Variants in KIF13A observed in about 807,000 individuals in gnomAD.
KIF13A encodes the protein kinesin family member 13A, also known as kinesin-like protein KIF13A.
KIF13A carries 79 observed loss-of-function variants against 212.2 expected under a neutral mutation model. The observed-to-expected ratio is 0.37, with a 90% CI of 0.31 to 0.45. KIF13A has a LOEUF of 0.45. Ranked by LOEUF, KIF13A falls within the 20% of genes least tolerant of loss-of-function variation. The pLI, the probability that KIF13A is intolerant of heterozygous loss-of-function variation, is 1.00. For missense variants in KIF13A, 1,901 were observed against 2,209.0 expected, an observed-to-expected ratio of 0.86 and a Z score of 2.79; for synonymous variants, 789 against 808.6, an observed-to-expected ratio of 0.98 and a Z score of 0.41.
rs1478342159 is a variant in KIF13A, at chr6:17,794,479, A to G, written c.3076-84T>C. ...AAGAAGGGGAAAAGGATTAGAGAAT[A>G]AAGATACAAATAGTTAGAAAATCCC... On this transcript the variant is annotated intron_variant, in intron 24 of 38. Transcript: ENST00000259711. This position sits in a 1 kb window ranked among gnomAD's most constrained non-coding sequence, Gnocchi z 4.1. 1 of 1,562,214 alleles carries G rather than the reference A, an allele frequency of 6.4e-7. No individual in the cohort carries two copies. Among genetic ancestry groups the G allele is most frequent in the Non-Finnish European group, 8.7e-7 (1 of 1,149,800 alleles).
rs931397318 is a variant in KIF13A, at chr6:17,961,935, A to G, written c.146+25119T>C. 1.3e-5 allele frequency among the ~76,000 whole-genome samples: 2 copies of G among 152,222 alleles called. No individual in the cohort carries two copies. Among genetic ancestry groups the G allele is most frequent in the Non-Finnish European group, 2.9e-5 (2 of 68,046 alleles). On this transcript the variant is annotated intron_variant, in intron 2 of 38. Transcript: ENST00000259711. This position sits in a 1 kb window ranked among gnomAD's most constrained non-coding sequence, Gnocchi z 4.1. The stretch of plus-strand genomic sequence containing the variant: ...ATTTCAGAATTGGGATACATTTGAC[A>G]ATCAAGGTTTAATAGTTCAACGGGC...
Position 17,764,846 on chromosome 6 carries a change from T to C in KIF13A, c.4682A>G (p.Asn1561Ser), listed in dbSNP as rs767615649. The stretch of plus-strand genomic sequence containing the variant: ...CCATTCCCTGTTCTCCAAGCTGGCA[T>C]TGTAAACACTGAAGTCAGCAAACTC... ...PVEFADFSVY[N>S]ASLENREWFS... The change falls in exon 39 of 39, where the codon AAT becomes AGT. Residue 1561 changes from asparagine to serine, a missense_variant. Physicochemically the swap from Asn to Ser is conservative, Grantham distance 46. This residue lies in a region of KIF13A where 687 missense variants were observed against 759.1 expected (regional missense o/e 0.90). Transcript: ENST00000259711. The surrounding 1 kb of genome is among the most constrained non-coding windows in gnomAD (Gnocchi z 5.1). 5.1e-5 allele frequency: 82 copies of C among 1,613,960 alleles called. No individual in the cohort carries two copies. The highest frequency in any genetic ancestry group is 1.6e-4 in the Middle Eastern group (1 of 6,062).
At position 17,908,605 on chromosome 6, in the gene KIF13A, G is replaced by A. The variant is rs534669835; in HGVS notation, c.147-10425C>T. Reference sequence around the variant, plus strand: ...GGCGACAGAGCGAGACTGTCTTAAAGAAATAAAATTAAAATGAACTCAAAA... The same window carrying A: ...GGCGACAGAGCGAGACTGTCTTAAAAAAATAAAATTAAAATGAACTCAAAA... On this transcript the variant is annotated intron_variant, in intron 2 of 38. Transcript: ENST00000259711. Among the ~76,000 whole-genome samples, 16 of 150,704 alleles carry A rather than the reference G, an allele frequency of 1.1e-4. 1 individual carries two copies. The South Asian group carries it at 3.3e-3, about 31-fold the overall frequency.
intron 18 of KIF13A, among the ~76,000 whole-genome samples, chr6:17,807,037 A>G (rs1763025896): frequency 6.6e-6 from 1 of 152,166 alleles, no homozygotes; most frequent in South Asian, 2.1e-4. Flanking sequence ...TTATCTCTTA[A>G]TCCTATTATC....
intron 2 of KIF13A, among the ~76,000 whole-genome samples, chr6:17,905,814 A>G (rs1422139226): frequency 2.0e-5 from 3 of 152,260 alleles, no homozygotes; most frequent in Non-Finnish European, 4.4e-5. Flanking sequence ...TGCCAAGCTC[A>G]GCAGTTAGAC....
At chr6:17,902,175 G>C (rs952164034) in intron 2 of KIF13A, among the ~76,000 whole-genome samples, 1 of 152,074 alleles carries the variant, frequency 6.6e-6, no homozygotes, top group African/African-American at 2.4e-5. Context: ...AAGTGACCCC[G>C]ACACATAGGT....
chr6:17,789,929 C>T lies in KIF13A; in HGVS notation c.3223-19G>A. On this transcript the variant is annotated intron_variant, in intron 25 of 38. Coordinates refer to ENST00000259711, the MANE Select transcript of KIF13A (RefSeq NM_022113.6). The surrounding 1 kb of genome is among the most constrained non-coding windows in gnomAD (Gnocchi z 4.8). ...CATCTCTCTGGTAGGAAAAAATAAACACAAAGGACAAGCATTTTGTTTTTC... is the reference window on the plus strand; with the variant it reads ...CATCTCTCTGGTAGGAAAAAATAAATACAAAGGACAAGCATTTTGTTTTTC... 1 of 1,607,796 alleles carries T rather than the reference C, an allele frequency of 6.2e-7. No individual in the cohort carries two copies. The highest frequency in any genetic ancestry group is 1.7e-5 in the Admixed American group (1 of 59,776).
chr6:17,817,847 G>A (rs1764086550), intron 16 of KIF13A, among the ~76,000 whole-genome samples: 1 of 152,168 alleles, frequency 6.6e-6, no homozygotes, highest in South Asian at 2.1e-4. Context: ...ATAAAAACCT[G>A]TTTCTAACAT....
intron 4 of KIF13A, among the ~76,000 whole-genome samples, chr6:17,867,547 C>T (rs1769524757): frequency 6.6e-6 from 1 of 152,114 alleles, no homozygotes. Context: ...TCATTTCAAC[C>T]CACAAGATTT....
chr6:17,813,613 C>T (rs1020099753), intron 17 of KIF13A, among the ~76,000 whole-genome samples: 12 of 152,150 alleles, frequency 7.9e-5, no homozygotes, highest in Non-Finnish European at 1.3e-4. Context: ...TTAACAAGTG[C>T]GTGACTGTTG....
intron 9 of KIF13A, among the ~76,000 whole-genome samples, chr6:17,846,301 G>C (rs976964203): frequency 6.6e-6 from 1 of 151,792 alleles, no homozygotes; most frequent in Non-Finnish European, 1.5e-5. Flanking sequence ...GTTATTCAAC[G>C]TCTCTAAGCA....
At position 17,963,168 on chromosome 6, in the gene KIF13A, A is replaced by G. The variant is rs1351440834; in HGVS notation, c.146+23886T>C. On this transcript the variant is annotated intron_variant, in intron 2 of 38. Coordinates refer to ENST00000259711, the MANE Select transcript of KIF13A (RefSeq NM_022113.6). This position sits in a 1 kb window ranked among gnomAD's most constrained non-coding sequence, Gnocchi z 4.1. ...TGCGGTGGCTCATGCCTGTAATCCC[A>G]GCACTTTGGGAGGCCGAGGTGGGCG... 6.6e-6 allele frequency among the ~76,000 whole-genome samples: 1 copy of G among 152,242 alleles called. No homozygotes were observed. The highest frequency in any genetic ancestry group is 1.5e-5 in the Non-Finnish European group (1 of 68,048).
chr6:17,931,517 A>C (rs1454255541), intron 2 of KIF13A, among the ~76,000 whole-genome samples: 2 of 152,204 alleles, frequency 1.3e-5, no homozygotes, highest in African/African-American at 4.8e-5. Context: ...CCAGGGACAC[A>C]AAATATTGCA....
chr6:17,814,689 A>G (rs1763771740), intron 17 of KIF13A, among the ~76,000 whole-genome samples: 1 of 152,214 alleles, frequency 6.6e-6, no homozygotes, highest in Non-Finnish European at 1.5e-5. Context: ...TGCCTGACCT[A>G]TAAGACAGGG....
rs533071883 is a variant in KIF13A, at chr6:17,829,648, T to C, written c.1402-1278A>G. On this transcript the variant is annotated intron_variant, in intron 13 of 38. Transcript: ENST00000259711. This position sits in a 1 kb window ranked among gnomAD's most constrained non-coding sequence, Gnocchi z 5.4. ...TGCTCTTAAAATAGTTTAATAACTA[T>C]AATAATACCTCCCTATTTGACAGAG... Among the ~76,000 whole-genome samples, 1 of 152,312 alleles carries C rather than the reference T, an allele frequency of 6.6e-6. No individual in the cohort carries two copies. The highest frequency in any genetic ancestry group is 2.1e-4 in the South Asian group (1 of 4,834).
Position 17,837,667 on chromosome 6 carries a change from G to T in KIF13A, c.831-84C>A. 1 of 921,600 alleles carries T rather than the reference G, an allele frequency of 1.1e-6. No individual in the cohort carries two copies. Among genetic ancestry groups the T allele is most frequent in the Non-Finnish European group, 1.7e-6 (1 of 592,378 alleles). The allele number at this position is 921,600 out of a possible 1,614,324, so 57.1% of individuals were successfully genotyped here. On this transcript the variant is annotated intron_variant, in intron 9 of 38. Coordinates refer to ENST00000259711, the MANE Select transcript of KIF13A (RefSeq NM_022113.6). This position sits in a 1 kb window ranked among gnomAD's most constrained non-coding sequence, Gnocchi z 5.4. Reference sequence around the variant, plus strand: ...ATATGCAGAACAATAAAGCTCCACAGTTAATACACGTTGGTGGCTCACGCC... The same window carrying T: ...ATATGCAGAACAATAAAGCTCCACATTTAATACACGTTGGTGGCTCACGCC...
chr6:17,814,353 A>T (rs1763729934), intron 17 of KIF13A, among the ~76,000 whole-genome samples: 1 of 150,442 alleles, frequency 6.6e-6, no homozygotes, highest in Non-Finnish European at 1.5e-5. Flanking sequence ...GGTTCAAGCA[A>T]TTCTTCTGCC....
intron 2 of KIF13A, among the ~76,000 whole-genome samples, chr6:17,975,535 C>T (rs12214321): frequency 0.026 from 3,931 of 151,870 alleles, 72 homozygotes; most frequent in Non-Finnish European, 0.042. Context: ...TAATTCATTG[C>T]AAAGACCAAA....
chr6:17,828,459 C>A lies in KIF13A; in HGVS notation c.1402-89G>T. On this transcript the variant is annotated intron_variant, in intron 13 of 38. Transcript: ENST00000259711. This position sits in a 1 kb window ranked among gnomAD's most constrained non-coding sequence, Gnocchi z 4.3. ...ACAATCAATTTGAATAACGCAGCAGCATATGCACAAAAATATTAAACGAAT... is the reference window on the plus strand; with the variant it reads ...ACAATCAATTTGAATAACGCAGCAGAATATGCACAAAAATATTAAACGAAT... The A allele has an allele frequency of 9.3e-7, 1 of 1,077,406 alleles. No homozygotes were observed. Among genetic ancestry groups the A allele is most frequent in the Middle Eastern group, 2.5e-4 (1 of 3,994 alleles). The allele number at this position is 1,077,406 out of a possible 1,614,324, so 66.7% of individuals were successfully genotyped here. A position where few individuals can be genotyped will look rare whatever the true frequency, so the allele number is the denominator to read the frequency against.
Sources: gnomAD v4.1 joint callset for allele counts (sites outside exome capture counted in the v4.1 genomes callset) on GRCh38, gnomAD v4.1.1 for gene constraint, gnomAD v4.1.1 regional missense constraint, Gnocchi (gnomAD v3.1) non-coding constraint, MANE v1.5 for transcripts, NCBI Gene and HGNC (gene_info 2026-07-23, HGNC 2026-07-21) for gene names.